Variants in EPB41L3 observed in about 807,000 individuals in gnomAD.
EPB41L3 encodes the protein band 4.1-like protein 3.
Under a neutral mutation model 127.1 loss-of-function variants are expected in EPB41L3, and 57 were observed. The ratio of observed to expected loss-of-function variants is 0.45; its 90% CI spans 0.36 to 0.56. EPB41L3 has a LOEUF of 0.56. Ranked by LOEUF, EPB41L3 falls within the 20% of genes least tolerant of loss-of-function variation. The pLI, the probability that EPB41L3 is intolerant of heterozygous loss-of-function variation, is 0.00. For missense variants in EPB41L3, 1,273 were observed against 1,372.2 expected, an observed-to-expected ratio of 0.93 and a Z score of 1.14; for synonymous variants, 572 against 549.5, an observed-to-expected ratio of 1.04 and a Z score of -0.57.
At chr18:5,439,291 A>G (rs1329054073) in intron 5 of EPB41L3, among the ~76,000 whole-genome samples, 1 of 150,924 alleles carries the variant, frequency 6.6e-6, no homozygotes, top group East Asian at 2.0e-4. Flanking sequence ...TGCTTCCAAT[A>G]CTCTCCCAAG....
chr18:5,540,090 T>C (rs985048341), intron 1 of EPB41L3, among the ~76,000 whole-genome samples: 3 of 152,210 alleles, frequency 2.0e-5, no homozygotes, highest in Non-Finnish European at 4.4e-5. Context: ...AATGCTGTTT[T>C]AGTACAAAGA....
At chr18:5,517,876 C>A (rs2092814453) in intron 1 of EPB41L3, among the ~76,000 whole-genome samples, 3 of 152,216 alleles carry the variant, frequency 2.0e-5, no homozygotes, top group Admixed American at 6.5e-5. Flanking sequence ...TTCCTCCTCC[C>A]CCACTGACCA....
At chr18:5,620,148 T>C (rs114170140) in intron 1 of EPB41L3, among the ~76,000 whole-genome samples, 241 of 152,336 alleles carry the variant, frequency 1.6e-3, no homozygotes, top group African/African-American at 5.4e-3. Context: ...AAAAAGGTTT[T>C]TAATCTATGA....
chr18:5,429,963 C>A (rs891804194), intron 8 of EPB41L3, among the ~76,000 whole-genome samples: 3 of 152,110 alleles, frequency 2.0e-5, no homozygotes, highest in Admixed American at 2.0e-4. Flanking sequence ...GGACGCACTG[C>A]CAGAATCACT....
chr18:5,576,054 T>C (rs953844599), intron 3 of EPB41L3, among the ~76,000 whole-genome samples: 1 of 152,224 alleles, frequency 6.6e-6, no homozygotes, highest in Non-Finnish European at 1.5e-5. Flanking sequence ...CTAAAAGGCA[T>C]ATTCTATCAA....
intron 3 of EPB41L3, among the ~76,000 whole-genome samples, chr18:5,576,460 T>G (rs1471338060): frequency 1.3e-5 from 2 of 152,218 alleles, no homozygotes; most frequent in African/African-American, 4.8e-5. Context: ...CCCCCTTAGC[T>G]AAATACATAT....
intron 3 of EPB41L3, among the ~76,000 whole-genome samples, chr18:5,561,127 G>C (rs866748240): frequency 2.0e-5 from 3 of 149,914 alleles, no homozygotes; most frequent in Non-Finnish European, 4.5e-5. Context: ...ACAGGCGCCC[G>C]CCACTACGCC....
At chr18:5,505,624 GTCCACACCTTCACCTCCACCCCTACCA>G (rs2092102560) in intron 1 of EPB41L3, among the ~76,000 whole-genome samples, 2 of 43,024 alleles carry the variant, frequency 4.6e-5, no homozygotes, top group African/African-American at 9.8e-5. Flanking sequence ...CACCTCTATG[GTCCACACCTTCACCTCCACCCCTACCA>G]TCCACACCTT....
At chr18:5,517,944 T>C (rs901581490) in intron 1 of EPB41L3, among the ~76,000 whole-genome samples, 3 of 152,112 alleles carry the variant, frequency 2.0e-5, no homozygotes, top group African/African-American at 7.2e-5. Context: ...AACTCTTCTA[T>C]ACCTATGCTC....
chr18:5,411,289 C>A (rs1338966354), intron 13 of EPB41L3, among the ~76,000 whole-genome samples: 1 of 152,178 alleles, frequency 6.6e-6, no homozygotes, highest in Non-Finnish European at 1.5e-5. Context: ...TTTTGCCCCA[C>A]CCTCCAATAT....
chr18:5,580,130 A>G (rs1409344269), intron 3 of EPB41L3, among the ~76,000 whole-genome samples: 1 of 152,196 alleles, frequency 6.6e-6, no homozygotes, highest in Non-Finnish European at 1.5e-5. Flanking sequence ...TAAGATAAGT[A>G]CACACTTCTG....
Position 5,423,421 on chromosome 18 carries a change from G to C in EPB41L3, c.1296C>G (p.Arg432=). The change falls in exon 11 of 23, where the codon CGC becomes CGG. Residue 432 remains arginine, a synonymous_variant. Coordinates refer to ENST00000341928, the MANE Select transcript of EPB41L3 (RefSeq NM_012307.5). ...LIDRPAPYFE[R]SSSKRYTMSR... ...ACATGGTATAACGTTTGCTGGATGA[G>C]CGTTCAAAGTAAGGTGCTGGGCGAT... 1.2e-6 allele frequency: 2 copies of C among 1,613,052 alleles called. No homozygotes were observed. Among genetic ancestry groups the C allele is most frequent in the Non-Finnish European group, 1.7e-6 (2 of 1,179,184 alleles).
chr18:5,545,571 T>A (rs1344877656), upstream of EPB41L3, among the ~76,000 whole-genome samples: 1 of 152,236 alleles, frequency 6.6e-6, no homozygotes, highest in African/African-American at 2.4e-5. Context: ...ATTCTATAGA[T>A]GTGTAGCTTT....
At chr18:5,430,977 C>A (rs1183582961) in intron 8 of EPB41L3, among the ~76,000 whole-genome samples, 1 of 152,120 alleles carries the variant, frequency 6.6e-6, no homozygotes, top group Non-Finnish European at 1.5e-5. Context: ...CCCAAATAGT[C>A]TCTGTCATCA....
intron 3 of EPB41L3, among the ~76,000 whole-genome samples, chr18:5,447,605 CCTA>C (rs1409319349): frequency 3.3e-5 from 5 of 152,110 alleles, no homozygotes; most frequent in African/African-American, 1.2e-4. Flanking sequence ...CCCTATGCCT[CCTA>C]CATTTTCTGA....
intron 3 of EPB41L3, among the ~76,000 whole-genome samples, chr18:5,553,725 T>G (rs1439904611): frequency 6.6e-6 from 1 of 152,180 alleles, no homozygotes; most frequent in Non-Finnish European, 1.5e-5. Context: ...GTGCAAACCA[T>G]CACCATCTCC....
At chr18:5,394,112 A>T (rs1381268199) in intron 22 of EPB41L3, 1 of 152,968 alleles carries the variant, frequency 6.5e-6, no homozygotes, top group Non-Finnish European at 1.5e-5. Context: ...GAATACAGGA[A>T]ATATAAGACA....
chr18:5,403,590 CAAA>C (rs199992647), intron 16 of EPB41L3, among the ~76,000 whole-genome samples: 5 of 102,628 alleles, frequency 4.9e-5, no homozygotes, highest in Admixed American at 2.1e-4. Flanking sequence ...TCACTGAGAC[CAAA>C]AAAAAAAAAA....
chr18:5,540,058 C>A (rs2093678748), intron 1 of EPB41L3, among the ~76,000 whole-genome samples: 1 of 152,016 alleles, frequency 6.6e-6, no homozygotes. Context: ...TTACTAATAA[C>A]CTAAATCAAG....
Sources: gnomAD v4.1 joint callset for allele counts (sites outside exome capture counted in the v4.1 genomes callset) on GRCh38, gnomAD v4.1.1 for gene constraint, MANE v1.5 for transcripts, NCBI Gene and HGNC (gene_info 2026-07-23, HGNC 2026-07-21) for gene names.